The following IL27RA variants were observed in gnomAD, a reference collection of about 807,000 sequenced individuals.
IL27RA encodes the protein interleukin-27 receptor subunit alpha.
IL27RA carries 61 observed loss-of-function variants against 80.8 expected under a neutral mutation model. That is an observed-to-expected ratio of 0.76 (90% CI 0.61 to 0.93). The LOEUF (loss-of-function observed/expected upper bound fraction) is 0.93, where lower values mean the gene tolerates loss of function less well. Among genes scored for constraint, IL27RA ranks in the 40% least tolerant of loss-of-function variants. IL27RA has a pLI of 0.00. For missense variants in IL27RA, 735 were observed against 808.1 expected, an observed-to-expected ratio of 0.91 and a Z score of 1.10; for synonymous variants, 316 against 332.5, an observed-to-expected ratio of 0.95 and a Z score of 0.54.
intron 2 of IL27RA, among the ~76,000 whole-genome samples, chr19:14,033,093 C>CTTTT (rs1010935225): frequency 8.5e-6 from 1 of 117,212 alleles, no homozygotes; most frequent in Non-Finnish European, 1.7e-5. Flanking sequence ...GAGCCCGTCA[C>CTTTT]TTTTTTTTTT....
chr19:14,049,362 C>T (rs756909291), intron 10 of IL27RA, 48 bp downstream of exon 10: 1 of 1,581,896 alleles, frequency 6.3e-7, no homozygotes, highest in Non-Finnish European at 8.6e-7. Context: ...CCACAAGACC[C>T]ACCCATCAGT....
At chr19:14,046,090 G>C (rs994511163) in intron 6 of IL27RA, 64 bp from the exon 7 acceptor site, 12 of 1,480,072 alleles carry the variant, frequency 8.1e-6, no homozygotes, top group Non-Finnish European at 1.1e-5. Flanking sequence ...GGTGACCTCA[G>C]GGAGACACAT....
In IL27RA at chr19:14,031,876, C is replaced by T; in HGVS notation, c.4C>T (p.Arg2Trp). The change falls in exon 1 of 14, where the codon CGG (arginine) becomes TGG (tryptophan). Residue 2 changes from arginine to tryptophan, a missense_variant. Physicochemically the swap from Arg to Trp is moderately radical, Grantham distance 101. Transcript: ENST00000263379. The part of the protein sequence containing the change: M[R>W]GGRGAPFWLW... ...CTCGGGGCTCCCGAGGGACGCCATG[C>T]GGGGAGGCAGGGGCGCCCCTTTCTG... is the stretch of plus-strand genomic sequence containing the variant. 3 of 1,594,840 alleles carry T rather than the reference C, an allele frequency of 1.9e-6. No individual in the cohort carries two copies. Among genetic ancestry groups the T allele is most frequent in the East Asian group, 2.3e-5 (1 of 43,898 alleles).
At chr19:14,047,457 C>T (rs991279696) in intron 8 of IL27RA, among the ~76,000 whole-genome samples, 4 of 150,138 alleles carry the variant, frequency 2.7e-5, no homozygotes, top group East Asian at 2.0e-4. Context: ...CGGGTTCAAG[C>T]GATTCTCGTG....
chr19:14,038,607 G>A (rs538679932), intron 2 of IL27RA, among the ~76,000 whole-genome samples: 16 of 151,466 alleles, frequency 1.1e-4, no homozygotes, highest in Middle Eastern at 3.5e-3. Context: ...GGAAAGGGCC[G>A]GGCGCAGTGG....
chr19:14,049,270 C>A lies in IL27RA; in HGVS notation c.1358C>A (p.Thr453Asn). The stretch of plus-strand genomic sequence containing the variant: ...CTTCGAGGCCACCTCACCCACTACA[C>A]CTTGTGTGCACAGAGTGGAACCAGC... Reference protein sequence around the residue: ...HQLRGHLTHYTLCAQSGTSPS... With the variant: ...HQLRGHLTHYNLCAQSGTSPS... The change falls in exon 10 of 14, where the codon ACC (threonine) becomes AAC (asparagine). Residue 453 changes from threonine (T) to asparagine (N), a missense_variant. Transcript: ENST00000263379. The A allele has an allele frequency of 6.2e-7, 1 of 1,614,186 alleles. No individual in the cohort carries two copies.
chr19:14,032,280 C>A, intron 1 of IL27RA, 106 bp from the exon 2 acceptor site: 1 of 899,864 alleles, frequency 1.1e-6, no homozygotes, highest in Non-Finnish European at 1.7e-6. Context: ...GCTCATTTCC[C>A]TAAGCCCCCC....
chr19:14,036,422 C>T (rs922454581), intron 2 of IL27RA, among the ~76,000 whole-genome samples: 3 of 151,736 alleles, frequency 2.0e-5, no homozygotes, highest in Admixed American at 6.6e-5. Flanking sequence ...TTTGTCTTTC[C>T]GTGTCTTATT....
intron 2 of IL27RA, among the ~76,000 whole-genome samples, chr19:14,034,260 A>G (rs181293539): frequency 2.0e-5 from 3 of 152,328 alleles, no homozygotes; most frequent in Admixed American, 2.0e-4. Flanking sequence ...GGAAACTCAT[A>G]ATTTCAAATT....
intron 8 of IL27RA, 30 bp downstream of exon 8, chr19:14,046,648 C>G: frequency 6.4e-7 from 1 of 1,557,126 alleles, no homozygotes; most frequent in Non-Finnish European, 8.7e-7. Context: ...GGGTCTCCAT[C>G]CCCGCTGTTA....
At chr19:14,032,656 A>G (rs1036858350) in intron 2 of IL27RA, among the ~76,000 whole-genome samples, 153 bp downstream of exon 2, 1 of 148,586 alleles carries the variant, frequency 6.7e-6, no homozygotes, top group Non-Finnish European at 1.5e-5. Flanking sequence ...AAAAAAAAAA[A>G]TTACCCAGGG....
Position 14,031,936 on chromosome 19 carries a change from CTG to C in IL27RA, c.66_67del (p.Leu23ValfsTer78). 1 of 1,611,066 alleles carries C rather than the reference CTG, an allele frequency of 6.2e-7. No homozygotes were observed. Among genetic ancestry groups the C allele is most frequent in the South Asian group, 1.1e-5 (1 of 90,624 alleles). On this transcript the variant is annotated frameshift_variant, in exon 1 of 14. Transcript: ENST00000263379. LOFTEE classifies it high-confidence loss of function. Reference sequence around the variant, plus strand: ...GCTGCCCAAGCTGGCGCTGCTGCCTCTGTTGTGGGTGCTTTTCCAGCGGACGC... The same window carrying C: ...GCTGCCCAAGCTGGCGCTGCTGCCTCTTGTGGGTGCTTTTCCAGCGGACGC... The part of the protein sequence containing the change: ...WPLPKLALLP[L>X]LWVLFQRTRP...
chr19:14,049,206 AC>A lies in IL27RA; in HGVS notation c.1299del (p.Ala434ProfsTer2), dbSNP rs1438799052. 1 of 1,613,526 alleles carries A rather than the reference AC, an allele frequency of 6.2e-7. No individual in the cohort carries two copies. The highest frequency in any genetic ancestry group is 1.3e-5 in the African/African-American group (1 of 74,940). On this transcript the variant is annotated frameshift_variant, in exon 10 of 14. Coordinates refer to ENST00000263379, the MANE Select transcript of IL27RA (RefSeq NM_004843.4). LOFTEE classifies it high-confidence loss of function. ...GCGACTCCAAGATGCCCCTCCAGGGACCCCCGCCATAGCGTGGGGAGAGGTC... is the reference window on the plus strand; with the variant it reads ...GCGACTCCAAGATGCCCCTCCAGGGACCCCGCCATAGCGTGGGGAGAGGTC... ...LWRLQDAPPG[T>X]PAIAWGEVPR... is the part of the protein sequence containing the mutation.
At chr19:14,046,000 G>A (rs1976058930) in intron 6 of IL27RA, among the ~76,000 whole-genome samples, 154 bp from the exon 7 acceptor site, 1 of 151,946 alleles carries the variant, frequency 6.6e-6, no homozygotes, top group African/African-American at 2.4e-5. Context: ...ACTCCAGTCT[G>A]GGTAACAGAA....
chr19:14,041,445 C>CCCACCT (rs1020298919), intron 4 of IL27RA, among the ~76,000 whole-genome samples: 196 of 152,206 alleles, frequency 1.3e-3, no homozygotes, highest in African/African-American at 4.7e-3. Flanking sequence ...AGGTGATCCA[C>CCCACCT]CCACCTCCAC....
Position 14,039,642 on chromosome 19 carries a change from T to C in IL27RA, c.353T>C (p.Val118Ala), listed in dbSNP as rs1420132374. The C allele has an allele frequency of 4.3e-6, 7 of 1,613,822 alleles. No homozygotes were observed. The African/African-American group carries it at 6.7e-5, about 15-fold the overall frequency. The change falls in exon 3 of 14, where the codon GTC becomes GCC. Residue 118 changes from valine (V) to alanine (A), a missense_variant. Transcript: ENST00000263379. Reference protein sequence around the residue: ...TKAGQPLWPPVFVNLETQMKP... With the variant: ...TKAGQPLWPPAFVNLETQMKP... ...GCAGGCCAGCCTCTCTGGCCCCCCG[T>C]CTTCGTGAACCTAGAAACCCAAAGT...
In IL27RA at chr19:14,051,958, CCA is replaced by C. The variant is rs1976174101; in HGVS notation, c.1702_1703del (p.Gln568AlafsTer8). The C allele has an allele frequency of 6.3e-7, 1 of 1,585,892 alleles. No homozygotes were observed. Among genetic ancestry groups the C allele is most frequent in the Non-Finnish European group, 8.6e-7 (1 of 1,165,092 alleles). Reference protein sequence around the residue: ...VPDPANSSSGQPHMEQVPEAQ... With the variant: ...VPDPANSSSGXPHMEQVPEAQ... ...CTGATCCTGCCAACAGCAGTTCAGG[CCA>C]GCCCCACATGGAGGTGAGTCAAAGG... On this transcript the variant is annotated frameshift_variant, in exon 13 of 14. Coordinates refer to ENST00000263379, the MANE Select transcript of IL27RA (RefSeq NM_004843.4). LOFTEE classifies it low-confidence loss of function (END_TRUNC).
intron 8 of IL27RA, among the ~76,000 whole-genome samples, chr19:14,047,785 C>A (rs2145695162): frequency 6.6e-6 from 1 of 150,760 alleles, no homozygotes; most frequent in Admixed American, 6.6e-5. Flanking sequence ...TCCCGAGCAA[C>A]TGGGAGTACA....
intron 6 of IL27RA, 35 bp downstream of exon 6, chr19:14,042,824 G>A (rs1431707752): frequency 3.2e-6 from 5 of 1,569,414 alleles, no homozygotes; most frequent in Non-Finnish European, 4.4e-6. Flanking sequence ...TTCTCTGCAC[G>A]TGTTAGGAAA....
Sources: allele counts gnomAD v4.1 joint callset (sites outside exome capture counted in the v4.1 genomes callset), GRCh38; gene constraint gnomAD v4.1.1; transcripts MANE v1.5; gene names NCBI Gene and HGNC (gene_info 2026-07-23, HGNC 2026-07-21).